AGAP1: variants seen among roughly 807,000 people sequenced by gnomAD.
The protein encoded by AGAP1 is arf-GAP with GTPase, ANK repeat and PH domain-containing protein 1.
A neutral mutation model predicts 105.3 loss-of-function variants in AGAP1; 29 were observed. The ratio of observed to expected loss-of-function variants is 0.28; its 90% CI spans 0.21 to 0.38. The LOEUF (loss-of-function observed/expected upper bound fraction) is 0.38. Among genes scored for constraint, AGAP1 ranks in the 10% least tolerant of loss-of-function variants. The pLI, the probability that AGAP1 is intolerant of heterozygous loss-of-function variation, is 1.00. For missense variants in AGAP1, 998 were observed against 1,165.1 expected (o/e 0.86, Z 2.09); for synonymous variants, 509 against 485.9 (o/e 1.05, Z -0.63).
chr2:235,999,684 G>GTGGTGATGATGGTGGTGGTGGTGA (rs2056024867), intron 13 of AGAP1, among the ~76,000 whole-genome samples: 3 of 90,368 alleles, frequency 3.3e-5, no homozygotes, highest in African/African-American at 1.5e-4. Context: ...GGTGGTGGTG[G>GTGGTGATGATGGTGGTGGTGGTGA]TCGTGGTGGT....
intron 1 of AGAP1, among the ~76,000 whole-genome samples, chr2:235,703,560 C>T (rs1950365757): frequency 1.6e-5 from 2 of 128,810 alleles, no homozygotes; most frequent in African/African-American, 2.9e-5. Context: ...CCCTCCCCCT[C>T]CTTCCCCTCC....
At chr2:235,871,522 C>T (rs1332266040) in intron 9 of AGAP1, among the ~76,000 whole-genome samples, 1 of 152,242 alleles carries the variant, frequency 6.6e-6, no homozygotes, top group Admixed American at 6.5e-5. Context: ...CTCACAACTT[C>T]CACTCATGCT....
intron 13 of AGAP1, among the ~76,000 whole-genome samples, chr2:235,996,317 A>G (rs534326415): frequency 5.3e-5 from 8 of 152,264 alleles, no homozygotes; most frequent in Non-Finnish European, 7.4e-5. Context: ...AATTAGGCCA[A>G]ACTCGCCTCC....
At chr2:235,657,471 C>T (rs1238153092) in intron 1 of AGAP1, among the ~76,000 whole-genome samples, 1 of 152,084 alleles carries the variant, frequency 6.6e-6, no homozygotes, top group Non-Finnish European at 1.5e-5. Flanking sequence ...CTCTGCCTCT[C>T]GGGTTCAGGC....
intron 16 of AGAP1, among the ~76,000 whole-genome samples, chr2:236,110,975 C>T (rs550909066): frequency 3.3e-5 from 5 of 152,292 alleles, no homozygotes; most frequent in African/African-American, 1.2e-4. Flanking sequence ...GCTACGTCCT[C>T]ACGTGATAGA....
In AGAP1 at chr2:235,662,658, C is replaced by T. The variant is rs1478168375; in HGVS notation, c.164-46521C>T. On this transcript the variant is annotated intron_variant, in intron 1 of 17. Coordinates refer to ENST00000304032, the MANE Select transcript of AGAP1 (RefSeq NM_001037131.3). The surrounding 1 kb of genome is among the most constrained non-coding windows in gnomAD (Gnocchi z 4.2). The stretch of plus-strand genomic sequence containing the variant: ...AGTAGCTGGGATTACAGGTGTGTGC[C>T]ACCACACCTGGCCGAAGTTGGTGAT... 1.3e-5 allele frequency among the ~76,000 whole-genome samples: 2 copies of T among 151,956 alleles called. No individual in the cohort carries two copies. The highest frequency in any genetic ancestry group is 2.9e-5 in the Non-Finnish European group (2 of 68,008).
At chr2:235,917,561 G>A (rs1013596053) in intron 11 of AGAP1, among the ~76,000 whole-genome samples, 8 of 151,940 alleles carry the variant, frequency 5.3e-5, no homozygotes, top group East Asian at 1.9e-4. Context: ...AGCGCTCTCC[G>A]CCGTGACAGG....
In AGAP1 at chr2:235,799,345, C is replaced by A; in HGVS notation, c.802-22C>A. 1 of 1,610,978 alleles carries A rather than the reference C, an allele frequency of 6.2e-7. No individual in the cohort carries two copies. Among genetic ancestry groups the A allele is most frequent in the Non-Finnish European group, 8.5e-7 (1 of 1,178,050 alleles). ...GTTCCTGAGTATGTCGTTAATGAAA[C>A]CTTGGATTTTAATCATTTCAGACAA... is the stretch of plus-strand genomic sequence containing the variant. On this transcript the variant is annotated intron_variant, in intron 7 of 17. Transcript: ENST00000304032. This position sits in a 1 kb window ranked among gnomAD's most constrained non-coding sequence, Gnocchi z 5.0.
intron 12 of AGAP1, among the ~76,000 whole-genome samples, chr2:235,946,800 C>A (rs2053521191): frequency 6.6e-6 from 1 of 152,164 alleles, no homozygotes; most frequent in Middle Eastern, 3.2e-3. Flanking sequence ...GGTCCCGCCC[C>A]TCTGCCCAGC....
rs1293364998 is a variant in AGAP1 at position 236,045,117 on chromosome 2, T to C, written c.1892-3942T>C. ...TTTTTGTAGAGAGGTAGTCTCACTA[T>C]GCTGCCCAGGCTGGTCTTAAACTCC... is the stretch of plus-strand genomic sequence containing the variant. On this transcript the variant is annotated intron_variant, in intron 15 of 17. Transcript: ENST00000304032. This position sits in a 1 kb window ranked among gnomAD's most constrained non-coding sequence, Gnocchi z 6.9. Among the ~76,000 whole-genome samples the C allele has an allele frequency of 6.6e-6, 1 of 152,208 alleles. No homozygotes were observed. The highest frequency in any genetic ancestry group is 1.5e-5 in the Non-Finnish European group (1 of 68,038).
chr2:235,615,453 T>C lies in AGAP1; in HGVS notation c.164-93726T>C, dbSNP rs1429872816. On this transcript the variant is annotated intron_variant, in intron 1 of 17. Transcript: ENST00000304032. The surrounding 1 kb of genome is among the most constrained non-coding windows in gnomAD (Gnocchi z 5.0). ...CTATTTTTTTTCAAAGCATTATCTCTCTACTGTTTGTAGGCAGAGAATTTA... is the reference window on the plus strand; with the variant it reads ...CTATTTTTTTTCAAAGCATTATCTCCCTACTGTTTGTAGGCAGAGAATTTA... Among the ~76,000 whole-genome samples, 2 of 152,212 alleles carry C rather than the reference T, an allele frequency of 1.3e-5. No homozygotes were observed. The highest frequency in any genetic ancestry group is 6.5e-5 in the Admixed American group (1 of 15,274).
chr2:236,033,934 A>T (rs115494185), intron 13 of AGAP1, among the ~76,000 whole-genome samples: 2,638 of 152,218 alleles, frequency 0.017, 79 homozygotes, highest in African/African-American at 0.06. Flanking sequence ...GGGAGCTTTG[A>T]TACATGCATT....
chr2:235,845,685 C>T lies in AGAP1; in HGVS notation c.1051-37660C>T, dbSNP rs534396799. ...TGTCTTTGCCTCTCGGTGACATCCACGGAGTCACCCAAGTCACCAGCCGGG... is the reference window on the plus strand; with the variant it reads ...TGTCTTTGCCTCTCGGTGACATCCATGGAGTCACCCAAGTCACCAGCCGGG... On this transcript the variant is annotated intron_variant, in intron 9 of 17. Coordinates refer to ENST00000304032, the MANE Select transcript of AGAP1 (RefSeq NM_001037131.3). The surrounding 1 kb of genome is among the most constrained non-coding windows in gnomAD (Gnocchi z 4.8). Among the ~76,000 whole-genome samples, 8 of 152,058 alleles carry T rather than the reference C, an allele frequency of 5.3e-5. No homozygotes were observed. The South Asian group carries it at 1.3e-3, about 24-fold the overall frequency.
chr2:235,709,261 G>T (rs1950705482), intron 2 of AGAP1, 24 bp downstream of exon 2: 1 of 1,612,528 alleles, frequency 6.2e-7, no homozygotes, highest in African/African-American at 1.3e-5. Flanking sequence ...TCTGGCCCTG[G>T]CACCTGTGGG....
chr2:235,624,924 G>A (rs1946592170), intron 1 of AGAP1, among the ~76,000 whole-genome samples: 1 of 152,032 alleles, frequency 6.6e-6, no homozygotes, highest in Non-Finnish European at 1.5e-5. Context: ...TCATGCTCTT[G>A]CCATGTGATG....
At chr2:235,554,693 T>C (rs898543039) in intron 1 of AGAP1, among the ~76,000 whole-genome samples, 2 of 152,338 alleles carry the variant, frequency 1.3e-5, no homozygotes, top group East Asian at 3.9e-4. Context: ...TTCTTTCTTT[T>C]TTTAGACAGA....
In AGAP1 at chr2:236,055,496, G is replaced by A. The variant is rs116756766; in HGVS notation, c.2114+6215G>A. ...GCTTAATTAATTGGCAGGAGCCCCCGAAAATGACAGTACCACTAATTGCAA... is the reference window on the plus strand; with the variant it reads ...GCTTAATTAATTGGCAGGAGCCCCCAAAAATGACAGTACCACTAATTGCAA... On this transcript the variant is annotated intron_variant, in intron 16 of 17. Coordinates refer to ENST00000304032, the MANE Select transcript of AGAP1 (RefSeq NM_001037131.3). The surrounding 1 kb of genome is among the most constrained non-coding windows in gnomAD (Gnocchi z 6.2). Among the ~76,000 whole-genome samples, 1,425 of 152,322 alleles carry A rather than the reference G, an allele frequency of 9.4e-3. 20 individuals are homozygous for A. Among genetic ancestry groups the A allele is most frequent in the African/African-American group, 0.031 (1,295 of 41,574 alleles).
At chr2:235,892,434 C>A (rs2050588631) in intron 10 of AGAP1, among the ~76,000 whole-genome samples, 1 of 152,116 alleles carries the variant, frequency 6.6e-6, no homozygotes, top group African/African-American at 2.4e-5. Context: ...CAAACTTGGA[C>A]TCTCTAAAAT....
At chr2:235,595,650 C>G (rs982972390) in intron 1 of AGAP1, among the ~76,000 whole-genome samples, 1 of 152,160 alleles carries the variant, frequency 6.6e-6, no homozygotes, top group African/African-American at 2.4e-5. Context: ...AACAAACTGT[C>G]CCTCATGCTT....
Sources: allele counts gnomAD v4.1 joint callset (sites outside exome capture counted in the v4.1 genomes callset), GRCh38; gene constraint gnomAD v4.1.1; non-coding constraint Gnocchi (gnomAD v3.1); transcripts MANE v1.5; gene names NCBI Gene and HGNC (gene_info 2026-07-23, HGNC 2026-07-21).